Variants in FHIT observed in about 807,000 individuals in gnomAD.
The protein encoded by FHIT is bis(5'-adenosyl)-triphosphatase.
FHIT carries 19 observed loss-of-function variants against 17.9 expected under a neutral mutation model. The ratio of observed to expected loss-of-function variants is 1.06; its 90% confidence interval spans 0.74 to 1.56. The LOEUF (loss-of-function observed/expected upper bound fraction) is 1.56. FHIT is among the 40% of genes most tolerant of loss of function. The pLI is 0.00. For synonymous variants in FHIT, 81 were observed against 69.7 expected, an observed-to-expected ratio of 1.16 and a Z score of -0.81; for missense variants, 248 against 189.2, an observed-to-expected ratio of 1.31 and a Z score of -1.82.
intron 8 of FHIT, among the ~76,000 whole-genome samples, chr3:59,869,483 C>CATTTTTTTTTT (rs1702812591): frequency 1.2e-5 from 1 of 80,536 alleles, no homozygotes; most frequent in Non-Finnish European, 2.4e-5. Context: ...TAAAGAACAT[C>CATTTTTTTTTT]CTTTTTTTTT....
At chr3:60,575,355 T>G (rs1173534297) in intron 4 of FHIT, among the ~76,000 whole-genome samples, 1 of 152,112 alleles carries the variant, frequency 6.6e-6, no homozygotes, top group Admixed American at 6.6e-5. Context: ...TGGAAGACTT[T>G]TAGTATCAAA....
chr3:59,843,344 C>A (rs1701599068), intron 8 of FHIT, among the ~76,000 whole-genome samples: 1 of 152,128 alleles, frequency 6.6e-6, no homozygotes, highest in Admixed American at 6.5e-5. Flanking sequence ...GTTTTGTAAT[C>A]ATAAAGTATG....
Position 59,892,534 on chromosome 3 carries a change from T to G in FHIT, c.348+29812A>C, listed in dbSNP as rs188741502. 5.1e-4 allele frequency among the ~76,000 whole-genome samples: 77 copies of G among 152,062 alleles called. 1 individual carries two copies. The highest frequency in any genetic ancestry group is 1.8e-3 in the African/African-American group (73 of 41,454). On this transcript the variant is annotated intron_variant, in intron 8 of 9. Coordinates refer to ENST00000492590, the MANE Select transcript of FHIT (RefSeq NM_002012.4). ...TTCCTGAGGCTTAGTGTTATAGAGG[T>G]TAGGGGGTAGAATCTATTTAGCCAG...
At chr3:60,583,156 T>G (rs1188685916) in intron 4 of FHIT, among the ~76,000 whole-genome samples, 1 of 151,968 alleles carries the variant, frequency 6.6e-6, no homozygotes, top group Admixed American at 6.6e-5. Context: ...TCGGGCAGAA[T>G]GAGAAATTCC....
intron 5 of FHIT, among the ~76,000 whole-genome samples, chr3:60,358,393 T>C (rs1699762492): frequency 6.6e-6 from 1 of 151,998 alleles, no homozygotes; most frequent in Non-Finnish European, 1.5e-5. Context: ...TGGACTACAG[T>C]CAGAATGAAG....
intron 2 of FHIT, among the ~76,000 whole-genome samples, chr3:61,058,414 G>T (rs776321890): frequency 3.9e-5 from 6 of 152,282 alleles, no homozygotes; most frequent in Admixed American, 1.3e-4. Context: ...GATATGAATA[G>T]TGCTATGGTT....
intron 4 of FHIT, among the ~76,000 whole-genome samples, chr3:60,580,449 G>C (rs1660421353): frequency 6.6e-6 from 1 of 152,034 alleles, no homozygotes; most frequent in South Asian, 2.1e-4. Flanking sequence ...ACTAGACTTT[G>C]AGTTTTAATC....
intron 2 of FHIT, among the ~76,000 whole-genome samples, chr3:61,112,479 C>A (rs981788959): frequency 6.6e-6 from 1 of 152,140 alleles, no homozygotes. Flanking sequence ...CCTGACAACA[C>A]CCTGGTCCCT....
At chr3:60,176,118 CA>C (rs1701657201) in intron 5 of FHIT, among the ~76,000 whole-genome samples, 1 of 152,108 alleles carries the variant, frequency 6.6e-6, no homozygotes. Flanking sequence ...TTTGGGAGGC[CA>C]AGGAAGGTGG....
At chr3:61,163,228 C>T (rs1203091455) in intron 2 of FHIT, among the ~76,000 whole-genome samples, 1 of 152,172 alleles carries the variant, frequency 6.6e-6, no homozygotes, top group South Asian at 2.1e-4. Flanking sequence ...CAAGCATTGC[C>T]TAACTACCCC....
intron 5 of FHIT, among the ~76,000 whole-genome samples, chr3:60,119,455 T>C (rs1333084439): frequency 6.6e-6 from 1 of 152,194 alleles, no homozygotes; most frequent in African/African-American, 2.4e-5. Flanking sequence ...ATATGTTTAA[T>C]ATGGAAGCAC....
chr3:60,655,740 G>A (rs566671390), intron 4 of FHIT, among the ~76,000 whole-genome samples: 1 of 152,246 alleles, frequency 6.6e-6, no homozygotes, highest in South Asian at 2.1e-4. Context: ...GTCCCCAAGT[G>A]CTAATTGCAT....
chr3:60,425,628 T>C (rs1346279296), intron 5 of FHIT, among the ~76,000 whole-genome samples: 1 of 152,172 alleles, frequency 6.6e-6, no homozygotes, highest in Non-Finnish European at 1.5e-5. Context: ...CTCAGAACTA[T>C]GATGTATTCA....
chr3:61,145,938 C>G (rs116064122), intron 2 of FHIT, among the ~76,000 whole-genome samples: 4,110 of 152,006 alleles, frequency 0.027, 67 homozygotes, highest in Middle Eastern at 0.041. Flanking sequence ...TTAACTTAAA[C>G]TTTTAAATTA....
intron 5 of FHIT, among the ~76,000 whole-genome samples, chr3:60,533,701 A>G (rs1029885299): frequency 6.6e-6 from 1 of 152,180 alleles, no homozygotes; most frequent in Non-Finnish European, 1.5e-5. Context: ...GGGCAGGAGA[A>G]AGTATAGTAA....
intron 5 of FHIT, among the ~76,000 whole-genome samples, chr3:60,111,555 G>C (rs1349401664): frequency 6.6e-6 from 1 of 152,140 alleles, no homozygotes; most frequent in Non-Finnish European, 1.5e-5. Context: ...ATGGTGATTT[G>C]AGAAATACCT....
At chr3:60,772,969 T>G (rs1338093011) in intron 4 of FHIT, among the ~76,000 whole-genome samples, 2 of 152,148 alleles carry the variant, frequency 1.3e-5, no homozygotes, top group African/African-American at 4.8e-5. Flanking sequence ...TCCCTACGCC[T>G]TCGCCCAAAC....
At chr3:60,690,771 A>C in intron 4 of FHIT, 1 of 356,226 alleles carries the variant, frequency 2.8e-6, no homozygotes, top group Non-Finnish European at 5.5e-6. Context: ...AGTCTCTGTT[A>C]CTGAATTCTT....
chr3:60,685,843 TAAAC>T (rs1269264905), intron 4 of FHIT, among the ~76,000 whole-genome samples: 2 of 152,322 alleles, frequency 1.3e-5, no homozygotes, highest in East Asian at 1.9e-4. Flanking sequence ...AGTTTTTACT[TAAAC>T]AAACATACAT....
Sources: gnomAD v4.1 joint callset for allele counts (sites outside exome capture counted in the v4.1 genomes callset) on GRCh38, gnomAD v4.1.1 for gene constraint, MANE v1.5 for transcripts, NCBI Gene and HGNC (gene_info 2026-07-23, HGNC 2026-07-21) for gene names.